Variants in ELP1 observed in about 807,000 individuals in gnomAD.
The protein encoded by ELP1 is elongator complex protein 1.
In ELP1, 131 loss-of-function variants were observed where a neutral mutation model predicts 183.2. That is an observed-to-expected ratio of 0.72 (90% CI 0.62 to 0.83). The LOEUF (loss-of-function observed/expected upper bound fraction) is 0.83, where lower values mean the gene tolerates loss of function less well. Among genes scored for constraint, ELP1 ranks in the 40% least tolerant of loss-of-function variants. The probability of loss-of-function intolerance (pLI) is 0.00; values close to 1 mark genes in which losing one functional copy is unlikely to be tolerated. For synonymous variants in ELP1, 555 were observed against 569.0 expected, an observed-to-expected ratio of 0.98 and a Z score of 0.35; for missense variants, 1,550 against 1,594.9, an observed-to-expected ratio of 0.97 and a Z score of 0.48.
chr9:108,896,420 A>G, intron 25 of ELP1, 76 bp downstream of exon 25: 1 of 1,375,696 alleles, frequency 7.3e-7, no homozygotes, highest in Non-Finnish European at 1.0e-6. Flanking sequence ...AAGCTACTGC[A>G]CTACCAGAAG....
intron 29 of ELP1, among the ~76,000 whole-genome samples, chr9:108,883,956 G>A (rs1828026666): frequency 6.6e-6 from 1 of 151,560 alleles, no homozygotes; most frequent in Non-Finnish European, 1.5e-5. Context: ...CAATGCAAAT[G>A]TCTAAACCCT....
intron 18 of ELP1, 64 bp downstream of exon 18, chr9:108,901,361 G>T: frequency 8.6e-7 from 1 of 1,163,360 alleles, no homozygotes; most frequent in Non-Finnish European, 1.3e-6. Flanking sequence ...AATTCAAAAA[G>T]TCATCAAGAC....
chr9:108,906,171 T>A (rs1829011007), intron 14 of ELP1, 132 bp downstream of exon 14: 1 of 831,750 alleles, frequency 1.2e-6, no homozygotes, highest in Admixed American at 2.0e-5. Context: ...AACCTTCTTG[T>A]TAAGTGTGTC....
rs530824179 is a variant in ELP1, at chr9:108,933,966, G to C, written c.-158C>G. On this transcript the variant is annotated 5_prime_UTR_variant, in exon 1 of 37. Coordinates refer to ENST00000374647, the MANE Select transcript of ELP1 (RefSeq NM_003640.5). ...ACAGTCCGCACCCAGAGTCGGCTCC[G>C]AATTGCGCACGCGTCTCTGTCCGCG... is the stretch of plus-strand genomic sequence containing the variant. 3.1e-4 allele frequency: 49 copies of C among 159,440 alleles called. 1 individual carries two copies. In the South Asian group the frequency reaches 7.6e-3, roughly 25 times the overall value. The allele number at this position is 159,440 out of a possible 1,614,324, so 9.9% of individuals were successfully genotyped here. A position where few individuals can be genotyped will look rare whatever the true frequency, so the allele number is the denominator to read the frequency against.
intron 28 of ELP1, among the ~76,000 whole-genome samples, chr9:108,890,459 C>T (rs1355016444): frequency 6.6e-6 from 1 of 152,066 alleles, no homozygotes. Flanking sequence ...ACAATATTTA[C>T]AAGTTAGGGA....
In ELP1 at chr9:108,868,736, C is replaced by A. The variant is rs1827325535; in HGVS notation, c.*379G>T. The A allele has an allele frequency of 3.6e-6, 2 of 549,890 alleles. No homozygotes were observed. Among genetic ancestry groups the A allele is most frequent in the Admixed American group, 6.7e-5 (2 of 30,054 alleles). The allele number at this position is 549,890 out of a possible 1,614,324, so 34.1% of individuals were successfully genotyped here. A position where few individuals can be genotyped will look rare whatever the true frequency, so the allele number is the denominator to read the frequency against. On this transcript the variant is annotated 3_prime_UTR_variant, in exon 37 of 37. Coordinates refer to ENST00000374647, the MANE Select transcript of ELP1 (RefSeq NM_003640.5). ...ATGTAGCACTAATAGCCATTGTAAT[C>A]TTCTCCGCCAACAAAATAAGACAAT...
intron 6 of ELP1, 65 bp downstream of exon 6, chr9:108,922,777 T>C: frequency 8.3e-7 from 1 of 1,208,728 alleles, no homozygotes; most frequent in Non-Finnish European, 1.2e-6. Context: ...ACCAAAGAGT[T>C]CCTGGTGGGT....
rs1827795597 is a variant in ELP1, at chr9:108,878,708, G to A, written c.3615C>T (p.His1205=). 6.2e-7 allele frequency: 1 copy of A among 1,614,198 alleles called. No individual in the cohort carries two copies. Among genetic ancestry groups the A allele is most frequent in the East Asian group, 2.2e-5 (1 of 44,882 alleles). Residue 1205 remains histidine, a synonymous_variant, in exon 34 of 37, where the codon CAC becomes CAT. Coordinates refer to ENST00000374647, the MANE Select transcript of ELP1 (RefSeq NM_003640.5). ...CCAGCGGACTGCCTTCTTTGAGGCT[G>A]TGCTTCTTCCGCTCCGCTTTTCGGC... ...KNRRKAERKK[H]SLKEGSPLED...
rs1252318245 is a variant in ELP1, at chr9:108,899,820, A to T, written c.2204+2T>A. 1 of 1,612,648 alleles carries T rather than the reference A, an allele frequency of 6.2e-7. No homozygotes were observed. Among genetic ancestry groups the T allele is most frequent in the East Asian group, 2.2e-5 (1 of 44,870 alleles). ...AGTCGCAAACAGTACAATGGCACTTACTTGTCCAACCACTTCCGAATCTGA... is the reference window on the plus strand; with the variant it reads ...AGTCGCAAACAGTACAATGGCACTTTCTTGTCCAACCACTTCCGAATCTGA... On this transcript the variant is annotated splice_donor_variant, in intron 20 of 36. Transcript: ENST00000374647. LOFTEE classifies it high-confidence loss of function.
At chr9:108,890,034 T>A (rs942054644) in intron 28 of ELP1, among the ~76,000 whole-genome samples, 1 of 152,142 alleles carries the variant, frequency 6.6e-6, no homozygotes, top group African/African-American at 2.4e-5. Flanking sequence ...CCCACCTACT[T>A]TTGCTAAACA....
rs1302952766 is a variant in ELP1 at position 108,919,271 on chromosome 9, C to A, written c.631G>T (p.Val211Phe). The change falls in exon 7 of 37, where the codon GTT becomes TTT. Residue 211 changes from valine (V) to phenylalanine (F), a missense_variant. Val to Phe is a conservative substitution (Grantham distance 50). Transcript: ENST00000374647. Reference protein sequence around the residue: ...RGDGQFFAVSVVCPETGARKV... With the variant: ...RGDGQFFAVSFVCPETGARKV... ...TCCATACCTGTTTCTGGGCAAACAA[C>A]ACTCACAGCAAAAAACTGTCCATCC... The A allele has an allele frequency of 3.5e-5, 57 of 1,613,008 alleles. No homozygotes were observed. Among genetic ancestry groups the A allele is most frequent in the Non-Finnish European group, 4.7e-5 (55 of 1,179,294 alleles).
intron 27 of ELP1, among the ~76,000 whole-genome samples, chr9:108,892,368 C>T (rs1243331473): frequency 2.6e-5 from 4 of 152,188 alleles, no homozygotes; most frequent in Non-Finnish European, 5.9e-5. Flanking sequence ...GCTAAAGAAG[C>T]TGGCAGGGGC....
In ELP1 at chr9:108,917,535, T is replaced by C; in HGVS notation, c.864+12A>G. The C allele has an allele frequency of 6.2e-7, 1 of 1,611,576 alleles. No individual in the cohort carries two copies. Among genetic ancestry groups the C allele is most frequent in the Non-Finnish European group, 8.5e-7 (1 of 1,178,462 alleles). On this transcript the variant is annotated intron_variant, in intron 9 of 36. Transcript: ENST00000374647. The stretch of plus-strand genomic sequence containing the variant: ...CTCTACATTCGAGGGTGAAACAAAC[T>C]CAGGCACTTACCTTAACCTCATCTT...
At position 108,885,304 on chromosome 9, in the gene ELP1, C is replaced by A. The variant is rs541740274; in HGVS notation, c.3223-3117G>T. 1.3e-4 allele frequency among the ~76,000 whole-genome samples: 20 copies of A among 151,916 alleles called. No individual in the cohort carries two copies. The South Asian group carries it at 4.1e-3, about 32-fold the overall frequency. ...GCCAGAATAATCAGAAAAAAGAAGA[C>A]ACATCAATATCTAGAATGAAAGACA... On this transcript the variant is annotated intron_variant, in intron 29 of 36. Coordinates refer to ENST00000374647, the MANE Select transcript of ELP1 (RefSeq NM_003640.5).
rs1457812727 is a variant in ELP1 at position 108,901,651 on chromosome 9, G to A, written c.1885C>T (p.Arg629Cys). ...ACCTCAATGTCATTGATGAAAAAGC[G>A]ACACCTGTCAGTCAGACCAAGGACA... ...ECVLGLTDRC[R>C]FFINDIEVAS... Residue 629 changes from arginine to cysteine, a missense_variant, in exon 17 of 37, where the codon CGC (arginine) becomes TGC (cysteine). Arg to Cys is a radical substitution (Grantham distance 180, BLOSUM62 -3). Coordinates refer to ENST00000374647, the MANE Select transcript of ELP1 (RefSeq NM_003640.5). 41 of 1,613,998 alleles carry A rather than the reference G, an allele frequency of 2.5e-5. No homozygotes were observed. The highest frequency in any genetic ancestry group is 1.6e-4 in the Middle Eastern group (1 of 6,084).
chr9:108,926,889 T>C (rs911043012), intron 4 of ELP1, among the ~76,000 whole-genome samples: 1 of 152,196 alleles, frequency 6.6e-6, no homozygotes, highest in Non-Finnish European at 1.5e-5. Flanking sequence ...GTCCCCAAGA[T>C]ACCTCTAAAT....
At position 108,900,942 on chromosome 9, in the gene ELP1, G is replaced by A. The variant is rs531710176; in HGVS notation, c.2014+483C>T. Among the ~76,000 whole-genome samples, 7 of 129,014 alleles carry A rather than the reference G, an allele frequency of 5.4e-5. No individual in the cohort carries two copies. The East Asian group carries it at 7.0e-4, about 13-fold the overall frequency. The allele number at this position is 129,014 out of a possible 152,430, so 84.6% of individuals were successfully genotyped here. ...ACATACACGCCACACACACATACACGCCACACACACATACACGCCACACAC... is the reference window on the plus strand; with the variant it reads ...ACATACACGCCACACACACATACACACCACACACACATACACGCCACACAC... On this transcript the variant is annotated intron_variant, in intron 18 of 36. Transcript: ENST00000374647.
intron 11 of ELP1, 81 bp from the exon 12 acceptor site, chr9:108,911,261 C>G: frequency 7.6e-7 from 1 of 1,314,840 alleles, no homozygotes; most frequent in East Asian, 2.4e-5. Flanking sequence ...CACAGTATAT[C>G]TAAACAATAA....
At chr9:108,870,969 A>ATTTTTTTTTTTTTTT (rs33952302) in intron 36 of ELP1, among the ~76,000 whole-genome samples, 1 of 83,566 alleles carries the variant, frequency 1.2e-5, no homozygotes, top group Non-Finnish European at 2.2e-5. Context: ...TTCATGCACC[A>ATTTTTTTTTTTTTTT]TTTTTTTTTT....
Sources: gnomAD v4.1 joint callset for allele counts (sites outside exome capture counted in the v4.1 genomes callset) on GRCh38, gnomAD v4.1.1 for gene constraint, MANE v1.5 for transcripts, NCBI Gene and HGNC (gene_info 2026-07-23, HGNC 2026-07-21) for gene names.